The following GNAS variants were observed in gnomAD, a reference collection of about 807,000 sequenced individuals.
The protein encoded by GNAS is GNAS complex locus, also known as protein ALEX.
In GNAS, 8 loss-of-function variants were observed where a neutral mutation model predicts 54.5. The ratio of observed to expected loss-of-function variants is 0.15; its 90% confidence interval spans 0.09 to 0.26. GNAS has a LOEUF of 0.26. GNAS is among the 10% of genes least tolerant of loss of function. GNAS has a pLI of 1.00. For missense variants in GNAS, 170 were observed against 529.8 expected (o/e 0.32, Z 6.67); for synonymous variants, 204 against 191.4 (o/e 1.07, Z -0.54).
chr20:58,855,674 C>CGG (rs2086459267), intron 1 of GNAS: 1 of 624,700 alleles, frequency 1.6e-6, no homozygotes, highest in Non-Finnish European at 3.0e-6. Flanking sequence ...GGAGGGGCCC[C>CGG]GGGGCCCCGG....
chr20:58,854,661 G>A, intron 1 of GNAS: 1 of 1,529,520 alleles, frequency 6.5e-7, no homozygotes, highest in Non-Finnish European at 8.7e-7. Context: ...AGCCGATCCA[G>A]ATGCCGGGGC....
Position 58,850,847 on chromosome 20 carries a change from C to A in GNAS, c.43+9961C>A, listed in dbSNP as rs563960988. 36 of 398,834 alleles carry A rather than the reference C, an allele frequency of 9.0e-5. No homozygotes were observed. The South Asian group carries it at 3.9e-3, about 44-fold the overall frequency. 24.7% of individuals were successfully genotyped at this position (398,834 alleles called of 1,614,324 possible). A position where few individuals can be genotyped will look rare whatever the true frequency, so the allele number is the denominator to read the frequency against. ...CTAGCCGCCATACACCCGCCCCCCA[C>A]CGGCTTCCAACCACCCCAGCAGCAC... is the stretch of plus-strand genomic sequence containing the variant. On this transcript the variant is annotated intron_variant, in intron 1 of 12. Transcript: ENST00000306090.
In GNAS at chr20:58,899,311, T is replaced by C. The variant is rs570745262; in HGVS notation, c.257+326T>C. On this transcript the variant is annotated intron_variant, in intron 3 of 12. Coordinates refer to ENST00000371085, the MANE Select transcript of GNAS (RefSeq NM_000516.7). ...TTTCTGTTTTCCCCCAGCTCTCCAT[T>C]TGAACCAGCTGCTTGTTTTAAAACT... is the stretch of plus-strand genomic sequence containing the variant. Among the ~76,000 whole-genome samples, 5 of 152,318 alleles carry C rather than the reference T, an allele frequency of 3.3e-5. 1 individual carries two copies. The highest frequency in any genetic ancestry group is 4.1e-4 in the South Asian group (2 of 4,824).
In GNAS at chr20:58,900,847, TACAC is replaced by T. The variant is rs1011588400; in HGVS notation, c.257+1865_257+1868del. On this transcript the variant is annotated intron_variant, in intron 3 of 12. Coordinates refer to ENST00000371085, the MANE Select transcript of GNAS (RefSeq NM_000516.7). ...ATGGAAGAATTTTATGTTTTAGTAT[TACAC>T]ACCCGAATTAGATTTTAGATTTCTA... 3.3e-5 allele frequency among the ~76,000 whole-genome samples: 5 copies of T among 152,244 alleles called. No individual in the cohort carries two copies. The East Asian group carries it at 5.8e-4, about 18-fold the overall frequency.
At chr20:58,888,549 A>T (rs1326212688), upstream of GNAS, 1 of 152,128 alleles carries the variant, frequency 6.6e-6, no homozygotes, top group Non-Finnish European at 1.5e-5. Flanking sequence ...TCTGTTCCAG[A>T]GCCCCCAGGG....
At chr20:58,888,130 T>C (rs570921413), upstream of GNAS, among the ~76,000 whole-genome samples, 2 of 152,208 alleles carry the variant, frequency 1.3e-5, no homozygotes, top group South Asian at 2.1e-4. Context: ...CCATCAAACA[T>C]CTTAAGTTTC....
intron 6 of GNAS, among the ~76,000 whole-genome samples, chr20:58,908,256 TATTA>T (rs2091213787): frequency 6.6e-6 from 1 of 152,188 alleles, no homozygotes; most frequent in African/African-American, 2.4e-5. Context: ...TAATTTTCCA[TATTA>T]ATTACCCCAA....
rs115850041 is a variant in GNAS at position 58,855,502 on chromosome 20, A to T, written c.43+14616A>T. On this transcript the variant is annotated intron_variant, in intron 1 of 12. Transcript: ENST00000306090. ...AGGGAGGGACCCTAACTGCCCTGGG[A>T]GCGGGAGGGGATCTTTGGTGGATTC... 3,938 of 741,264 alleles carry T rather than the reference A, an allele frequency of 5.3e-3. 105 individuals carry two copies. In the African/African-American group the frequency reaches 0.057, roughly 11 times the overall value. 45.9% of individuals were successfully genotyped at this position (741,264 alleles called of 1,614,324 possible).
intron 1 of GNAS, among the ~76,000 whole-genome samples, chr20:58,869,303 A>G (rs902346099): frequency 2.0e-5 from 3 of 152,242 alleles, no homozygotes; most frequent in African/African-American, 7.2e-5. Context: ...TAGATGAGGT[A>G]TGCCAACCCC....
intron 1 of GNAS, among the ~76,000 whole-genome samples, chr20:58,881,523 G>A (rs533841915): frequency 6.6e-6 from 1 of 152,108 alleles, no homozygotes; most frequent in Non-Finnish European, 1.5e-5. Flanking sequence ...AGATAGCGCC[G>A]TTTGCTTGGG....
chr20:58,842,604 G>A (rs2085781378), intron 1 of GNAS: 2 of 398,132 alleles, frequency 5.0e-6, no homozygotes, highest in Non-Finnish European at 8.9e-6. Context: ...AGCAATGTTA[G>A]TCTCAGAAGT....
rs749640094 is a variant in GNAS, at chr20:58,910,964, C to T, written c.*135C>T. On this transcript the variant is annotated 3_prime_UTR_variant, in exon 13 of 13. Coordinates refer to ENST00000371085, the MANE Select transcript of GNAS (RefSeq NM_000516.7). This position sits in a 1 kb window ranked among gnomAD's most constrained non-coding sequence, Gnocchi z 5.8. ...CTTTCCCTTCCCCCGAGTGATTTTG[C>T]GAAACCCCCTTTTCCCTTCAGCTTG... is the stretch of plus-strand genomic sequence containing the variant. The T allele has an allele frequency of 3.4e-5, 30 of 876,418 alleles. No homozygotes were observed. The East Asian group carries it at 4.9e-4, about 14-fold the overall frequency. The allele number at this position is 876,418 out of a possible 1,614,324, so 54.3% of individuals were successfully genotyped here. A position where few individuals can be genotyped will look rare whatever the true frequency, so the allele number is the denominator to read the frequency against.
chr20:58,909,871 A>G lies in GNAS; in HGVS notation c.839+67A>G. The G allele has an allele frequency of 6.2e-7, 1 of 1,612,556 alleles. No individual in the cohort carries two copies. The highest frequency in any genetic ancestry group is 1.7e-5 in the Admixed American group (1 of 60,024). ...GCCCTGGTCTGCACTGTTTATAGAG[A>G]AGAACCCCGTGCAAGCATTCCAGAC... On this transcript the variant is annotated intron_variant, in intron 10 of 12. Transcript: ENST00000371085. The surrounding 1 kb of genome is among the most constrained non-coding windows in gnomAD (Gnocchi z 7.3).
chr20:58,880,781 C>G (rs2088178214), intron 1 of GNAS, among the ~76,000 whole-genome samples: 2 of 151,580 alleles, frequency 1.3e-5, no homozygotes, highest in South Asian at 4.1e-4. Flanking sequence ...AAAATCTCTT[C>G]TACCTTTGGC....
chr20:58,895,358 AG>A, intron 1 of GNAS: 1 of 489,414 alleles, frequency 2.0e-6, no homozygotes, highest in Non-Finnish European at 3.7e-6. Context: ...AACAATCAAA[AG>A]AAAAATTAAA....
At chr20:58,881,225 T>C (rs1010357209) in intron 1 of GNAS, among the ~76,000 whole-genome samples, 2 of 152,298 alleles carry the variant, frequency 1.3e-5, no homozygotes, top group Admixed American at 6.5e-5. Flanking sequence ...AGAATATGAA[T>C]TGAGGGTCAT....
intron 6 of GNAS, among the ~76,000 whole-genome samples, chr20:58,907,624 T>C (rs1042711960): frequency 6.6e-6 from 1 of 152,224 alleles, no homozygotes; most frequent in African/African-American, 2.4e-5. Flanking sequence ...TCAAATCATT[T>C]AGAAGTTTTT....
At position 58,853,378 on chromosome 20, in the gene GNAS, C is replaced by T. The variant is rs1248939858; in HGVS notation, c.43+12492C>T. The T allele has an allele frequency of 2.6e-6, 4 of 1,557,298 alleles. No homozygotes were observed. The highest frequency in any genetic ancestry group is 3.5e-6 in the Non-Finnish European group (4 of 1,150,996). ...CCTTTGGAGGCCCCAGGGGCAGCTG[C>T]CCCCGGTGCTGGGCCTAGCCCAGCC... On this transcript the variant is annotated intron_variant, in intron 1 of 12. Coordinates refer to the GNAS transcript ENST00000306090. The surrounding 1 kb of genome is among the most constrained non-coding windows in gnomAD (Gnocchi z 4.4).
At chr20:58,890,410 C>A (rs1271977078), upstream of GNAS, among the ~76,000 whole-genome samples, 1 of 151,604 alleles carries the variant, frequency 6.6e-6, no homozygotes, top group Non-Finnish European at 1.5e-5. Context: ...TACGCGGCGC[C>A]GCGCGTTGGG....
Sources: gnomAD v4.1 joint callset for allele counts (sites outside exome capture counted in the v4.1 genomes callset) on GRCh38, gnomAD v4.1.1 for gene constraint, Gnocchi (gnomAD v3.1) non-coding constraint, MANE v1.5 for transcripts, NCBI Gene and HGNC (gene_info 2026-07-23, HGNC 2026-07-21) for gene names.